MAPK10: variants seen among roughly 807,000 people sequenced by gnomAD.
The protein encoded by MAPK10 is mitogen-activated protein kinase 10.
Under a neutral mutation model 59.3 loss-of-function variants are expected in MAPK10, and 25 were observed. That is an observed-to-expected ratio of 0.42 (90% CI 0.31 to 0.59). The LOEUF (loss-of-function observed/expected upper bound fraction) is 0.59. Among genes scored for constraint, MAPK10 ranks in the 20% least tolerant of loss-of-function variants. MAPK10 has a pLI of 0.15. For missense variants in MAPK10, 351 were observed against 568.9 expected (o/e 0.62, Z 3.90); for synonymous variants, 190 against 200.5 (o/e 0.95, Z 0.44).
At chr4:86,558,898 A>G (rs1760461904) in intron 1 of MAPK10, among the ~76,000 whole-genome samples, 2 of 151,836 alleles carry the variant, frequency 1.3e-5, no homozygotes, top group African/African-American at 4.8e-5. Flanking sequence ...GGGACATTCT[A>G]GGGTCCACGG....
At chr4:86,068,808 T>C (rs1052329890) in intron 9 of MAPK10, among the ~76,000 whole-genome samples, 1 of 152,156 alleles carries the variant, frequency 6.6e-6, no homozygotes, top group African/African-American at 2.4e-5. Flanking sequence ...ATTCTCTTTT[T>C]TATCTGTCAT....
intron 2 of MAPK10, among the ~76,000 whole-genome samples, chr4:86,205,925 C>T (rs1037274920): frequency 2.0e-5 from 3 of 151,884 alleles, no homozygotes; most frequent in South Asian, 2.1e-4. Flanking sequence ...ATAAAGATGT[C>T]TGCCATCATT....
intron 1 of MAPK10, among the ~76,000 whole-genome samples, chr4:86,519,096 T>C (rs553123224): frequency 6.6e-6 from 1 of 152,214 alleles, no homozygotes; most frequent in Non-Finnish European, 1.5e-5. Context: ...CTGCAGCTGT[T>C]GGGTAGAATG....
At chr4:86,312,810 C>G (rs551561375) in intron 2 of MAPK10, among the ~76,000 whole-genome samples, 4 of 152,174 alleles carry the variant, frequency 2.6e-5, no homozygotes, top group Admixed American at 2.6e-4. Flanking sequence ...CACTTAAAAA[C>G]TTAATAGTGG....
At chr4:86,592,499 A>G (rs1763124611) in intron 1 of MAPK10, among the ~76,000 whole-genome samples, 1 of 152,242 alleles carries the variant, frequency 6.6e-6, no homozygotes, top group Admixed American at 6.5e-5. Flanking sequence ...CCATTAATTA[A>G]GGATATTGCT....
intron 1 of MAPK10, among the ~76,000 whole-genome samples, chr4:86,380,335 T>G (rs1740505754): frequency 6.6e-6 from 1 of 152,210 alleles, no homozygotes; most frequent in Admixed American, 6.5e-5. Context: ...CCACCCTCTT[T>G]GCAGGTCTGA....
At position 86,064,297 on chromosome 4, in the gene MAPK10, T is replaced by C. The variant is rs200929584; in HGVS notation, c.1079A>G (p.Asn360Ser). The change falls in exon 11 of 14, where the codon AAC (asparagine) becomes AGC (serine). Residue 360 changes from asparagine to serine, a missense_variant. By Grantham distance (46) the Asn-to-Ser change is conservative. Around this residue, in one of 5 missense-constraint regions of MAPK10, gnomAD observed 155 missense variants for 204.2 expected, o/e 0.76. Transcript: ENST00000641462. ...CACTTCGGCTGGGTCATACCAGACGTTGATGTAGGGATGCTGTAAGGCGTC... is the reference window on the plus strand; with the variant it reads ...CACTTCGGCTGGGTCATACCAGACGCTGATGTAGGGATGCTGTAAGGCGTC... The part of the protein sequence containing the change: ...VDDALQHPYI[N>S]VWYDPAEVEA... The C allele has an allele frequency of 6.2e-6, 10 of 1,614,102 alleles. No homozygotes were observed. In the East Asian group the frequency reaches 1.6e-4, roughly 25 times the overall value.
At chr4:86,506,376 T>C (rs986033831) in intron 1 of MAPK10, among the ~76,000 whole-genome samples, 3 of 152,162 alleles carry the variant, frequency 2.0e-5, no homozygotes, top group African/African-American at 7.2e-5. Flanking sequence ...TCAAATTGTA[T>C]TTTTGTCACT....
At chr4:86,148,481 GAGA>G (rs201586088) in intron 4 of MAPK10, among the ~76,000 whole-genome samples, 3,574 of 152,162 alleles carry the variant, frequency 0.023, 143 homozygotes, top group African/African-American at 0.081. Flanking sequence ...GACGGACTAG[GAGA>G]AGAAGAGATA....
At chr4:86,096,219 T>C (rs1216959011) in intron 9 of MAPK10, among the ~76,000 whole-genome samples, 1 of 151,762 alleles carries the variant, frequency 6.6e-6, no homozygotes, top group African/African-American at 2.4e-5. Flanking sequence ...ATAAATGTTA[T>C]GTATTAATTT....
At chr4:86,430,429 A>G (rs1747883722) in intron 1 of MAPK10, among the ~76,000 whole-genome samples, 1 of 152,190 alleles carries the variant, frequency 6.6e-6, no homozygotes, top group African/African-American at 2.4e-5. Flanking sequence ...CCAAGTATCC[A>G]TTGTGTGTTT....
intron 2 of MAPK10, among the ~76,000 whole-genome samples, chr4:86,309,455 TCAGC>T (rs2095629116): frequency 6.6e-6 from 1 of 152,172 alleles, no homozygotes; most frequent in Non-Finnish European, 1.5e-5. Context: ...TACATTGCCT[TCAGC>T]CACCTGCAGC....
chr4:86,398,980 A>G lies in MAPK10; in HGVS notation c.-121-44336T>C, dbSNP rs557631667. 2.6e-5 allele frequency among the ~76,000 whole-genome samples: 4 copies of G among 152,226 alleles called. No homozygotes were observed. The East Asian group carries it at 7.7e-4, about 29-fold the overall frequency. On this transcript the variant is annotated intron_variant, in intron 1 of 13. Transcript: ENST00000361569. ...ACATAGTATTCCATGGTGCATAGGT[A>G]CCACATTTTCATTATCCAGTCCACC...
chr4:86,434,579 C>CA (rs2149043348), intron 1 of MAPK10, among the ~76,000 whole-genome samples: 1 of 152,224 alleles, frequency 6.6e-6, no homozygotes, highest in African/African-American at 2.4e-5. Context: ...AAATACAAAT[C>CA]AAAACCACAA....
chr4:86,215,313 A>G (rs1266949434), intron 2 of MAPK10, among the ~76,000 whole-genome samples: 5 of 152,244 alleles, frequency 3.3e-5, no homozygotes, highest in Non-Finnish European at 5.9e-5. Flanking sequence ...AACTGTTATA[A>G]GACAACATAG....
At position 86,071,850 on chromosome 4, in the gene MAPK10, G is replaced by T. The variant is rs201178631; in HGVS notation, c.803-3895C>A. On this transcript the variant is annotated intron_variant, in intron 9 of 13. Coordinates refer to ENST00000641462, the MANE Select transcript of MAPK10 (RefSeq NM_138982.4). ...TGATTCCTCCAGCTTTGTTCTTTTG[G>T]CTTAGGATTGACTTGGCAATGCGGG... Among the ~76,000 whole-genome samples the T allele has an allele frequency of 5.7e-3, 838 of 147,990 alleles. 14 individuals carry two copies. The highest frequency in any genetic ancestry group is 0.054 in the East Asian group (270 of 5,036).
chr4:86,199,289 C>A (rs1388760944), intron 2 of MAPK10, among the ~76,000 whole-genome samples: 1 of 151,664 alleles, frequency 6.6e-6, no homozygotes, highest in African/African-American at 2.4e-5. Context: ...TGGAAAAAAA[C>A]AAATATTCAT....
chr4:86,028,066 A>T (rs1293081396), intron 13 of MAPK10: 1 of 152,180 alleles, frequency 6.6e-6, no homozygotes, highest in Non-Finnish European at 1.5e-5. Context: ...TCATTATAGG[A>T]ATTCTTAAAA....
chr4:86,574,986 AT>A (rs779353550), intron 1 of MAPK10, among the ~76,000 whole-genome samples: 12 of 152,212 alleles, frequency 7.9e-5, no homozygotes, highest in Non-Finnish European at 1.5e-4. Flanking sequence ...ATGAGGATGT[AT>A]TTGAATGAGA....
Sources: allele counts gnomAD v4.1 joint callset (sites outside exome capture counted in the v4.1 genomes callset), GRCh38; gene constraint gnomAD v4.1.1; regional missense constraint gnomAD v4.1.1; transcripts MANE v1.5; gene names NCBI Gene and HGNC (gene_info 2026-07-23, HGNC 2026-07-21).